Variants in PLB1 observed in about 807,000 individuals in gnomAD.
PLB1 encodes phospholipase B1, membrane-associated.
Under a neutral mutation model 227.4 loss-of-function variants are expected in PLB1, and 242 were observed. The ratio of observed to expected loss-of-function variants is 1.06; its 90% CI spans 0.96 to 1.18. The LOEUF is 1.18. PLB1 is among the 50% of genes most tolerant of loss of function. The pLI is 0.00. For missense variants in PLB1, 1,858 were observed against 1,816.3 expected, an observed-to-expected ratio of 1.02 and a Z score of -0.42; for synonymous variants, 757 against 682.2, an observed-to-expected ratio of 1.11 and a Z score of -1.71.
chr2:28,574,690 C>T (rs1678631941), intron 21 of PLB1, among the ~76,000 whole-genome samples: 2 of 151,970 alleles, frequency 1.3e-5, no homozygotes, highest in South Asian at 2.1e-4. Context: ...AGCCACCATG[C>T]CTGGCCCATT....
intron 14 of PLB1, among the ~76,000 whole-genome samples, chr2:28,545,075 T>A (rs375938479): frequency 9.5e-4 from 144 of 152,206 alleles, no homozygotes; most frequent in Non-Finnish European, 1.5e-3. Context: ...TACGGTCTCT[T>A]AAAACTACTC....
At chr2:28,506,560 T>C (rs192087532) in intron 1 of PLB1, among the ~76,000 whole-genome samples, 23 of 152,318 alleles carry the variant, frequency 1.5e-4, no homozygotes, top group African/African-American at 5.5e-4. Context: ...TCTAAAATGA[T>C]TGAATCCAAA....
At chr2:28,602,989 G>A (rs987765177) in intron 39 of PLB1, 68 bp downstream of exon 39, 1 of 1,367,688 alleles carries the variant, frequency 7.3e-7, no homozygotes, top group African/African-American at 1.4e-5. Context: ...ACATGCAGTG[G>A]TGATGCCTCA....
chr2:28,496,361 A>G (rs754149099), intron 1 of PLB1, among the ~76,000 whole-genome samples, 192 bp downstream of exon 1: 57 of 152,162 alleles, frequency 3.7e-4, no homozygotes, highest in Non-Finnish European at 7.3e-4. Context: ...ACAGGGTTAC[A>G]TGTCCCAAAG....
Position 28,565,347 on chromosome 2 carries a change from C to G in PLB1, c.1274C>G (p.Ser425Cys), listed in dbSNP as rs758798012. The change falls in exon 19 of 58, where the codon TCC becomes TGC. Residue 425 changes from serine (S) to cysteine (C), a missense_variant. Transcript: ENST00000327757. ...LDVLTQYRGL[S>C]WSVGGDENIG... ...GTCTTGACTCAGTACCGAGGCCTGT[C>G]CTGGAGGTGAGTGAGGGTGTGGCAA... 1.2e-6 allele frequency: 2 copies of G among 1,607,104 alleles called. No individual in the cohort carries two copies. Among genetic ancestry groups the G allele is most frequent in the Non-Finnish European group, 1.7e-6 (2 of 1,177,032 alleles).
chr2:28,601,471 A>C (rs1683888719), intron 37 of PLB1, 139 bp downstream of exon 37: 1 of 293,150 alleles, frequency 3.4e-6, no homozygotes, highest in Non-Finnish European at 6.2e-6. Context: ...TACACATACC[A>C]CACACACACA....
intron 56 of PLB1, among the ~76,000 whole-genome samples, chr2:28,637,298 TTAAAA>T (rs1377172351): frequency 8.2e-6 from 1 of 121,388 alleles, no homozygotes; most frequent in Non-Finnish European, 1.8e-5. Flanking sequence ...TGTCTCAAAT[TTAAAA>T]AAAAAAAAAA....
intron 46 of PLB1, 193 bp downstream of exon 46, chr2:28,618,592 A>C (rs1416941218): frequency 1.7e-6 from 1 of 594,366 alleles, no homozygotes; most frequent in Non-Finnish European, 3.0e-6. Flanking sequence ...AGTTCTGCTC[A>C]AAGCCCCCTC....
At chr2:28,529,842 C>G in intron 8 of PLB1, 63 bp downstream of exon 8, 1 of 1,518,956 alleles carries the variant, frequency 6.6e-7, no homozygotes, top group Non-Finnish European at 9.1e-7. Flanking sequence ...GCGGGCAGAC[C>G]GAAGTGATGA....
At chr2:28,526,678 C>T (rs531764799) in intron 6 of PLB1, among the ~76,000 whole-genome samples, 36 of 152,250 alleles carry the variant, frequency 2.4e-4, no homozygotes, top group Non-Finnish European at 4.9e-4. Flanking sequence ...GAAACCACTT[C>T]GCCGTCCGTA....
chr2:28,568,110 G>A (rs1677361833), intron 20 of PLB1, among the ~76,000 whole-genome samples: 1 of 152,140 alleles, frequency 6.6e-6, no homozygotes, highest in Non-Finnish European at 1.5e-5. Context: ...AAATCCTGTC[G>A]AATTTAGGTA....
rs191870544 is a variant in PLB1, at chr2:28,618,521, C to T, written c.3315+122C>T. The T allele has an allele frequency of 6.9e-4, 689 of 996,648 alleles. 1 individual carries two copies. The highest frequency in any genetic ancestry group is 9.9e-4 in the Non-Finnish European group (646 of 655,592). 61.7% of individuals were successfully genotyped at this position (996,648 alleles called of 1,614,324 possible). A position where few individuals can be genotyped will look rare whatever the true frequency, so the allele number is the denominator to read the frequency against. On this transcript the variant is annotated intron_variant, in intron 46 of 57. Transcript: ENST00000327757. ...CTGAGCCCGTGTTACTGAGGGCCTA[C>T]CCATGTCAGGCACTGAAACACAGCC...
At position 28,583,774 on chromosome 2, in the gene PLB1, C is replaced by T. The variant is rs113381168; in HGVS notation, c.1733+1269C>T. Among the ~76,000 whole-genome samples, 87 of 152,044 alleles carry T rather than the reference C, an allele frequency of 5.7e-4. 1 individual carries two copies. The Middle Eastern group carries it at 0.017, about 30-fold the overall frequency. ...GGGGCTAAGACCTGCGTGCATTACT[C>T]ACCTAGTTTTTGCTCATTCTCTGTG... On this transcript the variant is annotated intron_variant, in intron 25 of 57. Transcript: ENST00000327757.
intron 43 of PLB1, among the ~76,000 whole-genome samples, chr2:28,612,031 A>T (rs1318798471): frequency 2.0e-5 from 3 of 152,184 alleles, no homozygotes; most frequent in African/African-American, 7.2e-5. Context: ...CTGTAGTCCC[A>T]GCTACTCGGG....
intron 43 of PLB1, among the ~76,000 whole-genome samples, chr2:28,608,649 T>A (rs536347825): frequency 6.6e-6 from 1 of 152,378 alleles, no homozygotes; most frequent in Admixed American, 6.5e-5. Context: ...ATGGGCTCTC[T>A]GCCCACTCCT....
chr2:28,618,254 CAG>C (rs1343215151), intron 45 of PLB1, 85 bp from the exon 46 acceptor site: 48 of 1,228,976 alleles, frequency 3.9e-5, no homozygotes, highest in Non-Finnish European at 5.6e-5. Context: ...AGCAGTGGGA[CAG>C]AGTTATAGAC....
rs901356444 is a variant in PLB1, at chr2:28,519,619, T to C, written c.185-86T>C. ...GCAGCTGTCCAGGGGCTGGGGAATG[T>C]GAGTCTCCTCTCCCATACGGTATCC... On this transcript the variant is annotated intron_variant, in intron 3 of 57. Coordinates refer to ENST00000327757, the MANE Select transcript of PLB1 (RefSeq NM_153021.5). 1.7e-5 allele frequency: 17 copies of C among 1,001,636 alleles called. 1 individual carries two copies. Among genetic ancestry groups the C allele is most frequent in the Middle Eastern group, 4.3e-4 (2 of 4,692 alleles). 62.0% of individuals were successfully genotyped at this position (1,001,636 alleles called of 1,614,324 possible).
At chr2:28,595,157 C>A (rs186503253) in intron 33 of PLB1, 1 of 152,224 alleles carries the variant, frequency 6.6e-6, no homozygotes, top group Non-Finnish European at 1.5e-5. Context: ...AAGTTTCTTT[C>A]TGCAGCGATG....
At chr2:28,567,329 G>A (rs1172223284) in intron 20 of PLB1, among the ~76,000 whole-genome samples, 1 of 152,140 alleles carries the variant, frequency 6.6e-6, no homozygotes, top group Non-Finnish European at 1.5e-5. Flanking sequence ...ATTGAATTGC[G>A]GGGTTGCTGT....
Sources: gnomAD v4.1 joint callset for allele counts (sites outside exome capture counted in the v4.1 genomes callset) on GRCh38, gnomAD v4.1.1 for gene constraint, MANE v1.5 for transcripts, NCBI Gene and HGNC (gene_info 2026-07-23, HGNC 2026-07-21) for gene names.